Variants in PDE9A observed in about 807,000 individuals in gnomAD.
PDE9A encodes the protein phosphodiesterase 9A.
A neutral mutation model predicts 87.4 loss-of-function variants in PDE9A; 60 were observed. The ratio of observed to expected loss-of-function variants is 0.69; its 90% CI spans 0.56 to 0.85. The LOEUF is 0.85. Among genes scored for constraint, PDE9A ranks in the 40% least tolerant of loss-of-function variants. The pLI is 0.00. For missense variants in PDE9A, 665 were observed against 779.0 expected, an observed-to-expected ratio of 0.85 and a Z score of 1.74; for synonymous variants, 272 against 279.4, an observed-to-expected ratio of 0.97 and a Z score of 0.27.
In PDE9A at chr21:42,759,522, G is replaced by T. The variant is rs2055448845; in HGVS notation, c.897+437G>T. Reference sequence around the variant, plus strand: ...TGAGTGGGTGTGTGGATGTAAATGTGTGGGAGCGTGTGTGTGTGTGAGTGT... The same window carrying T: ...TGAGTGGGTGTGTGGATGTAAATGTTTGGGAGCGTGTGTGTGTGTGAGTGT... On this transcript the variant is annotated intron_variant, in intron 11 of 19. Coordinates refer to ENST00000291539, the MANE Select transcript of PDE9A (RefSeq NM_002606.3). This position sits in a 1 kb window ranked among gnomAD's most constrained non-coding sequence, Gnocchi z 7.2. Among the ~76,000 whole-genome samples the T allele has an allele frequency of 6.7e-6, 1 of 150,266 alleles. No homozygotes were observed. Among genetic ancestry groups the T allele is most frequent in the Non-Finnish European group, 1.5e-5 (1 of 67,448 alleles).
intron 1 of PDE9A, among the ~76,000 whole-genome samples, chr21:42,666,493 T>C (rs990736585): frequency 6.6e-6 from 1 of 152,144 alleles, no homozygotes; most frequent in African/African-American, 2.4e-5. Flanking sequence ...TTGTGAGGGC[T>C]GCACTCCCCC....
chr21:42,731,256 C>T (rs895595026), intron 4 of PDE9A, among the ~76,000 whole-genome samples: 2 of 152,162 alleles, frequency 1.3e-5, no homozygotes, highest in East Asian at 1.9e-4. Flanking sequence ...CTGCGCCCAG[C>T]GCAGCTTTGG....
rs2055476060 is a variant in PDE9A, at chr21:42,759,698, G to A, written c.897+613G>A. ...GCATGTGTATATCTGGATGTGGGGT[G>A]TGTCTGTGTGTGGGTGTGTGTGAGG... On this transcript the variant is annotated intron_variant, in intron 11 of 19. Coordinates refer to ENST00000291539, the MANE Select transcript of PDE9A (RefSeq NM_002606.3). The surrounding 1 kb of genome is among the most constrained non-coding windows in gnomAD (Gnocchi z 7.2). Among the ~76,000 whole-genome samples, 1 of 150,958 alleles carries A rather than the reference G, an allele frequency of 6.6e-6. No individual in the cohort carries two copies. Among genetic ancestry groups the A allele is most frequent in the African/African-American group, 2.4e-5 (1 of 41,020 alleles).
At chr21:42,669,564 C>T (rs1347787837) in intron 1 of PDE9A, among the ~76,000 whole-genome samples, 1 of 152,172 alleles carries the variant, frequency 6.6e-6, no homozygotes, top group African/African-American at 2.4e-5. Context: ...TGGCATGCTT[C>T]GGAGCCTCGG....
chr21:42,760,502 C>T lies in PDE9A; in HGVS notation c.1002+70C>T, dbSNP rs1185997676. The T allele has an allele frequency of 1.2e-5, 12 of 968,452 alleles. No individual in the cohort carries two copies. Among genetic ancestry groups the T allele is most frequent in the Admixed American group, 8.2e-5 (4 of 48,486 alleles). 60.0% of individuals were successfully genotyped at this position (968,452 alleles called of 1,614,324 possible). A position where few individuals can be genotyped will look rare whatever the true frequency, so the allele number is the denominator to read the frequency against. On this transcript the variant is annotated intron_variant, in intron 12 of 19. Coordinates refer to ENST00000291539, the MANE Select transcript of PDE9A (RefSeq NM_002606.3). The surrounding 1 kb of genome is among the most constrained non-coding windows in gnomAD (Gnocchi z 5.2). ...CAGACGGAGGCCCCCTTCCAGGGAG[C>T]GGCAGCCCCATCCCACCAAGAGAGC... is the stretch of plus-strand genomic sequence containing the variant.
At chr21:42,751,243 G>A in intron 9 of PDE9A, 46 bp downstream of exon 9, 1 of 1,345,076 alleles carries the variant, frequency 7.4e-7, no homozygotes. Context: ...TGTGTCCCCA[G>A]CCCCACGCCC....
rs1057253143 is a variant in PDE9A, at chr21:42,718,046, T to C, written c.263-13724T>C. On this transcript the variant is annotated intron_variant, in intron 4 of 19. Coordinates refer to ENST00000291539, the MANE Select transcript of PDE9A (RefSeq NM_002606.3). ...TGCCTCAGCCTCCAAGTAGCTGGGA[T>C]TGCAGGTGCCCGCCACCACGCCCAA... Among the ~76,000 whole-genome samples, 8 of 151,416 alleles carry C rather than the reference T, an allele frequency of 5.3e-5. 1 individual carries two copies. Among genetic ancestry groups the C allele is most frequent in the African/African-American group, 1.9e-4 (8 of 41,312 alleles).
At chr21:42,762,591 CA>C (rs1167127779) in intron 14 of PDE9A, among the ~76,000 whole-genome samples, 4 of 152,216 alleles carry the variant, frequency 2.6e-5, no homozygotes, top group Admixed American at 1.3e-4. Context: ...AGGCCCTGGA[CA>C]GACACATCTG....
chr21:42,754,338 C>T (rs908088511), intron 10 of PDE9A, among the ~76,000 whole-genome samples: 9 of 152,118 alleles, frequency 5.9e-5, no homozygotes, highest in East Asian at 1.9e-4. Context: ...CTCCTGATGG[C>T]GCTGGGCCCC....
intron 1 of PDE9A, among the ~76,000 whole-genome samples, chr21:42,669,119 A>G (rs964528240): frequency 6.6e-6 from 1 of 152,204 alleles, no homozygotes; most frequent in African/African-American, 2.4e-5. Flanking sequence ...CCGCTGTAGC[A>G]AATGGCCATA....
At chr21:42,752,377 T>G (rs971547399) in intron 9 of PDE9A, among the ~76,000 whole-genome samples, 1 of 151,748 alleles carries the variant, frequency 6.6e-6, no homozygotes, top group East Asian at 1.9e-4. Context: ...GTTCAAGTGA[T>G]TCTCCTGCCT....
intron 9 of PDE9A, among the ~76,000 whole-genome samples, chr21:42,753,347 A>G (rs1325465404): frequency 1.3e-5 from 2 of 152,148 alleles, no homozygotes; most frequent in African/African-American, 4.8e-5. Flanking sequence ...TCTAATTTAC[A>G]TGCAGTAAAG....
Position 42,692,897 on chromosome 21 carries a change from C to T in PDE9A, c.218+4903C>T, listed in dbSNP as rs935542941. Among the ~76,000 whole-genome samples the T allele has an allele frequency of 1.3e-5, 2 of 152,194 alleles. No individual in the cohort carries two copies. Among genetic ancestry groups the T allele is most frequent in the Admixed American group, 6.5e-5 (1 of 15,288 alleles). Reference sequence around the variant, plus strand: ...CTCTTCCTGCACCGGAGCCGCGGTGCGAGGCCTCGGGAATGCTCACCGTTT... The same window carrying T: ...CTCTTCCTGCACCGGAGCCGCGGTGTGAGGCCTCGGGAATGCTCACCGTTT... On this transcript the variant is annotated intron_variant, in intron 3 of 19. Transcript: ENST00000291539. This position sits in a 1 kb window ranked among gnomAD's most constrained non-coding sequence, Gnocchi z 4.3.
Position 42,765,490 on chromosome 21 carries a change from C to T in PDE9A, c.1352C>T (p.Thr451Ile), listed in dbSNP as rs151254797. ...NFDYSNEEHM[T>I]LLKMILIKCC... ...GACTACAGCAACGAGGAGCACATGA[C>T]CCTGGTGAGTGGCTTATTCTGCCTG... The change falls in exon 15 of 20, where the codon ACC becomes ATC. Residue 451 changes from threonine to isoleucine, a missense_variant. Thr to Ile is a moderately conservative substitution (Grantham distance 89, BLOSUM62 -1). Transcript: ENST00000291539. 1.3e-4 allele frequency: 202 copies of T among 1,584,764 alleles called. No individual in the cohort carries two copies. Among genetic ancestry groups the T allele is most frequent in the Middle Eastern group, 8.4e-4 (5 of 5,988 alleles).
intron 1 of PDE9A, among the ~76,000 whole-genome samples, chr21:42,677,257 ATTGAATAAAGAATGT>A (rs2058895363): frequency 2.0e-5 from 3 of 152,254 alleles, no homozygotes; most frequent in Admixed American, 1.3e-4. Flanking sequence ...TGCTAAGGCA[ATTGAATAAAGAATGT>A]CAGCCGATGT....
At chr21:42,753,500 T>C (rs1407415838) in intron 9 of PDE9A, among the ~76,000 whole-genome samples, 2 of 152,138 alleles carry the variant, frequency 1.3e-5, no homozygotes, top group African/African-American at 4.8e-5. Flanking sequence ...ACCGATGGGA[T>C]CTCCACCCGT....
At chr21:42,673,414 T>C (rs1304370544) in intron 1 of PDE9A, among the ~76,000 whole-genome samples, 1 of 152,236 alleles carries the variant, frequency 6.6e-6, no homozygotes, top group Non-Finnish European at 1.5e-5. Flanking sequence ...GTCAGTCCGC[T>C]GATTGACTGT....
intron 4 of PDE9A, among the ~76,000 whole-genome samples, chr21:42,719,537 A>AG (rs11405520): frequency 0.7 from 105,614 of 150,398 alleles, 39,245 homozygotes; most frequent in East Asian, 0.94. Flanking sequence ...GCTACTCAGG[A>AG]GCTGAGGCAG....
At chr21:42,662,833 C>T (rs1351087029) in intron 1 of PDE9A, among the ~76,000 whole-genome samples, 3 of 141,806 alleles carry the variant, frequency 2.1e-5, no homozygotes, top group Middle Eastern at 4.1e-3. Context: ...ACGCACACAC[C>T]CACCACACAC....
Sources: gnomAD v4.1 joint callset for allele counts (sites outside exome capture counted in the v4.1 genomes callset) on GRCh38, gnomAD v4.1.1 for gene constraint, Gnocchi (gnomAD v3.1) non-coding constraint, MANE v1.5 for transcripts, NCBI Gene and HGNC (gene_info 2026-07-23, HGNC 2026-07-21) for gene names.